DAB1: variants seen among roughly 807,000 people sequenced by gnomAD.
DAB1 encodes the protein disabled homolog 1.
In DAB1, 15 loss-of-function variants were observed where a neutral mutation model predicts 64.6. The ratio of observed to expected loss-of-function variants is 0.23; its 90% confidence interval spans 0.16 to 0.36. The LOEUF is 0.36. DAB1 is among the 10% of genes least tolerant of loss of function. The probability of loss-of-function intolerance (pLI) is 1.00; values close to 1 mark genes in which losing one functional copy is unlikely to be tolerated. For missense variants in DAB1, 596 were observed against 706.7 expected (o/e 0.84, Z 1.78); for synonymous variants, 235 against 251.9 (o/e 0.93, Z 0.64).
chr1:57,594,345 A>G (rs1471909622), intron 7 of DAB1, among the ~76,000 whole-genome samples: 1 of 152,170 alleles, frequency 6.6e-6, no homozygotes, highest in African/African-American at 2.4e-5. Context: ...CACGGATTTG[A>G]GACGTGACAC....
chr1:57,660,164 CT>C (rs1646369413), intron 6 of DAB1, among the ~76,000 whole-genome samples: 1 of 151,972 alleles, frequency 6.6e-6, no homozygotes, highest in African/African-American at 2.4e-5. Context: ...TAACCCAATA[CT>C]CAGCAAATAA....
intron 6 of DAB1, among the ~76,000 whole-genome samples, chr1:57,667,834 C>T (rs1255153978): frequency 6.6e-6 from 1 of 152,016 alleles, no homozygotes; most frequent in Non-Finnish European, 1.5e-5. Flanking sequence ...AATGAGAACA[C>T]ATGGACACGG....
At chr1:58,126,921 G>A (rs534960268) in intron 5 of DAB1, among the ~76,000 whole-genome samples, 117 of 144,946 alleles carry the variant, frequency 8.1e-4, no homozygotes, top group African/African-American at 2.9e-3. Context: ...ATAAACATAC[G>A]TGTGCATGTG....
intron 9 of DAB1, among the ~76,000 whole-genome samples, chr1:57,036,609 T>G (rs1647162015): frequency 6.6e-6 from 1 of 152,270 alleles, no homozygotes; most frequent in South Asian, 2.1e-4. Context: ...AATTCATTTA[T>G]ATTAAAGTCT....
intron 3 of DAB1, among the ~76,000 whole-genome samples, chr1:58,405,803 A>G (rs1644611697): frequency 6.6e-6 from 1 of 152,222 alleles, no homozygotes; most frequent in Non-Finnish European, 1.5e-5. Flanking sequence ...TGAATGAGGA[A>G]ACAGACACTT....
intron 6 of DAB1, among the ~76,000 whole-genome samples, chr1:57,692,250 T>C (rs537213956): frequency 4.6e-5 from 7 of 152,228 alleles, no homozygotes; most frequent in African/African-American, 1.7e-4. Flanking sequence ...TAGTCCCGCT[T>C]CTAAAAACTA....
At chr1:57,222,350 C>A (rs1394903179) in intron 2 of DAB1, among the ~76,000 whole-genome samples, 1 of 151,972 alleles carries the variant, frequency 6.6e-6, no homozygotes, top group Admixed American at 6.6e-5. Context: ...GTGTGGTGGA[C>A]AATATAGAAG....
chr1:57,552,573 C>A (rs567281749), intron 7 of DAB1, among the ~76,000 whole-genome samples: 1 of 152,270 alleles, frequency 6.6e-6, no homozygotes, highest in African/African-American at 2.4e-5. Context: ...GAGCAGGGAT[C>A]GCATCCTAGG....
chr1:57,214,551 C>A (rs991430804), intron 2 of DAB1, among the ~76,000 whole-genome samples: 1 of 152,224 alleles, frequency 6.6e-6, no homozygotes, highest in African/African-American at 2.4e-5. Context: ...AACCCAATAG[C>A]AATTGCTATT....
chr1:57,791,775 C>T (rs1650612286), intron 6 of DAB1, among the ~76,000 whole-genome samples: 1 of 152,184 alleles, frequency 6.6e-6, no homozygotes, highest in Non-Finnish European at 1.5e-5. Context: ...CACTGACAGT[C>T]CAGAGATGCT....
intron 7 of DAB1, among the ~76,000 whole-genome samples, chr1:57,541,376 G>T (rs943075995): frequency 1.4e-4 from 22 of 152,148 alleles, no homozygotes; most frequent in African/African-American, 5.3e-4. Flanking sequence ...TGATCTGCCT[G>T]CCTTGGTCTC....
Position 57,796,000 on chromosome 1 carries a change from C to CAT in DAB1, n.551+87997_551+87998dup, listed in dbSNP as rs1201400581. Among the ~76,000 whole-genome samples, 3 of 151,532 alleles carry CAT rather than the reference C, an allele frequency of 2.0e-5. No individual in the cohort carries two copies. In the South Asian group the frequency reaches 6.3e-4, roughly 32 times the overall value. ...TATAAAACAAGGTATCATATATATA[C>CAT]ATATATATGCACGCTGTGGTAAATT... On this transcript the variant is annotated intron_variant and non_coding_transcript_variant, in intron 6 of 20. Transcript: ENST00000485760.
intron 9 of DAB1, among the ~76,000 whole-genome samples, chr1:57,046,055 T>C (rs1188601726): frequency 6.6e-6 from 1 of 152,224 alleles, no homozygotes; most frequent in Non-Finnish European, 1.5e-5. Context: ...AAATAATAGT[T>C]GTCATCTTAA....
chr1:58,120,796 C>T (rs896779182), intron 5 of DAB1, among the ~76,000 whole-genome samples: 2 of 152,150 alleles, frequency 1.3e-5, no homozygotes, highest in African/African-American at 4.8e-5. Flanking sequence ...CACATCAAAA[C>T]ATAAGTGAGA....
chr1:57,940,453 G>A (rs1028679328), intron 5 of DAB1, among the ~76,000 whole-genome samples: 3 of 152,202 alleles, frequency 2.0e-5, no homozygotes, highest in Non-Finnish European at 4.4e-5. Context: ...GTTCAAATAA[G>A]TTAAGTGCTT....
At chr1:58,437,547 A>G (rs1330592598) in intron 3 of DAB1, among the ~76,000 whole-genome samples, 1 of 152,098 alleles carries the variant, frequency 6.6e-6, no homozygotes, top group Admixed American at 6.5e-5. Context: ...TCCAGAGCAC[A>G]TATCACCACC....
intron 5 of DAB1, among the ~76,000 whole-genome samples, chr1:58,113,673 G>T (rs148254505): frequency 1.8e-4 from 27 of 151,648 alleles, no homozygotes; most frequent in African/African-American, 6.6e-4. Flanking sequence ...CTGTGCTGCT[G>T]CAGGAAAGAT....
At chr1:57,743,056 T>C (rs540503404) in intron 6 of DAB1, among the ~76,000 whole-genome samples, 1 of 152,292 alleles carries the variant, frequency 6.6e-6, no homozygotes, top group South Asian at 2.1e-4. Context: ...AGACTCTTTG[T>C]TCACAACTGC....
At chr1:58,485,228 TAAAAAAAAAAAAAAAAAA>T (rs71043289) in intron 3 of DAB1, among the ~76,000 whole-genome samples, 1 of 42,036 alleles carries the variant, frequency 2.4e-5, no homozygotes, top group Non-Finnish European at 4.1e-5. Context: ...AGTCTACTAC[TAAAAAAAAAAAAAAAAAA>T]AAAAAAAAAA....
Sources: gnomAD v4.1 joint callset for allele counts (sites outside exome capture counted in the v4.1 genomes callset) on GRCh38, gnomAD v4.1.1 for gene constraint, MANE v1.5 for transcripts, NCBI Gene and HGNC (gene_info 2026-07-23, HGNC 2026-07-21) for gene names.